The following HERC1 variants were observed in gnomAD, a reference collection of about 807,000 sequenced individuals.
HERC1 encodes the protein probable E3 ubiquitin-protein ligase HERC1.
HERC1 carries 160 observed loss-of-function variants against 554.3 expected under a neutral mutation model. That is an observed-to-expected ratio of 0.29 (90% CI 0.25 to 0.33). HERC1 has a LOEUF of 0.33. Among genes scored for constraint, HERC1 ranks in the 10% least tolerant of loss-of-function variants. The pLI, the probability that HERC1 is intolerant of heterozygous loss-of-function variation, is 1.00. For missense variants in HERC1, 4,919 were observed against 5,918.5 expected, an observed-to-expected ratio of 0.83 and a Z score of 5.54; for synonymous variants, 2,175 against 2,131.7, an observed-to-expected ratio of 1.02 and a Z score of -0.56.
intron 33 of HERC1, among the ~76,000 whole-genome samples, chr15:63,687,516 T>A (rs1456030479): frequency 1.3e-5 from 2 of 151,268 alleles, no homozygotes; most frequent in African/African-American, 2.4e-5. Context: ...CCAGCCTGGG[T>A]GACAGAGCGA....
chr15:63,806,668 G>A (rs187638439), intron 1 of HERC1, among the ~76,000 whole-genome samples: 28 of 152,256 alleles, frequency 1.8e-4, no homozygotes, highest in Admixed American at 4.6e-4. Context: ...ACAAGTCTAC[G>A]GAGAAATAAC....
At chr15:63,689,546 C>T (rs2153034572) in intron 33 of HERC1, 43 bp downstream of exon 33, 3 of 1,068,622 alleles carry the variant, frequency 2.8e-6, no homozygotes, top group South Asian at 1.5e-5. Context: ...ACAGAATATT[C>T]ACTTATGCTG....
At chr15:63,742,577 T>C (rs1446692838) in intron 12 of HERC1, among the ~76,000 whole-genome samples, 2 of 152,202 alleles carry the variant, frequency 1.3e-5, no homozygotes, top group African/African-American at 4.8e-5. Context: ...TCAGTCTTTC[T>C]CCATTGAATA....
intron 12 of HERC1, among the ~76,000 whole-genome samples, chr15:63,741,796 G>A (rs1193306560): frequency 6.6e-6 from 1 of 152,198 alleles, no homozygotes; most frequent in African/African-American, 2.4e-5. Flanking sequence ...AGCCACAGAT[G>A]TATGAGTTTA....
chr15:63,763,428 CAT>C (rs2075674154), intron 3 of HERC1, among the ~76,000 whole-genome samples: 2 of 152,034 alleles, frequency 1.3e-5, no homozygotes, highest in African/African-American at 4.8e-5. Context: ...GATAAAGAAA[CAT>C]AAGGAACTGC....
Position 63,612,305 on chromosome 15 carries a change from T to C in HERC1, c.14346A>G (p.Leu4782=). The C allele has an allele frequency of 1.9e-6, 3 of 1,613,726 alleles. No individual in the cohort carries two copies. The highest frequency in any genetic ancestry group is 2.5e-6 in the Non-Finnish European group (3 of 1,179,638). Residue 4782 remains leucine, a synonymous_variant, in exon 77 of 78, where the codon CTA becomes CTG. Coordinates refer to ENST00000443617, the MANE Select transcript of HERC1 (RefSeq NM_003922.4). The surrounding 1 kb of genome is among the most constrained non-coding windows in gnomAD (Gnocchi z 5.0). ...FMRFVSGRSR[L]PANTADISQR... ...GAGAAATGTCAGCAGTGTTGGCTGG[T>C]AGTCGAGATCTTCCTGACACAAACC...
chr15:63,657,661 C>A (rs1021400169), intron 48 of HERC1, among the ~76,000 whole-genome samples: 63 of 149,808 alleles, frequency 4.2e-4, no homozygotes, highest in African/African-American at 1.6e-3. Flanking sequence ...TCTTTTATGG[C>A]AGATTCCTTT....
intron 1 of HERC1, among the ~76,000 whole-genome samples, chr15:63,832,855 A>C (rs1203136727): frequency 6.6e-6 from 1 of 152,228 alleles, no homozygotes; most frequent in Non-Finnish European, 1.5e-5. Context: ...TAGGAAATAC[A>C]ATAAAATGTT....
chr15:63,760,229 A>T (rs2075563193), intron 3 of HERC1, among the ~76,000 whole-genome samples: 1 of 151,826 alleles, frequency 6.6e-6, no homozygotes, highest in Admixed American at 6.6e-5. Context: ...AACATTACAC[A>T]CAAAAAAAAA....
chr15:63,743,991 T>TA (rs2074933161), intron 12 of HERC1, among the ~76,000 whole-genome samples: 1 of 152,202 alleles, frequency 6.6e-6, no homozygotes, highest in Non-Finnish European at 1.5e-5. Context: ...GTATCTACGT[T>TA]GTGGTTCTTG....
In HERC1 at chr15:63,694,264, G is replaced by C. The variant is rs565030889; in HGVS notation, c.5480+48C>G. ...GGGAAAGGGGGAATTCTAAAATGGA[G>C]GAAGACCAGACTTCATACAGTTCTA... On this transcript the variant is annotated intron_variant, in intron 29 of 77. Coordinates refer to ENST00000443617, the MANE Select transcript of HERC1 (RefSeq NM_003922.4). The surrounding 1 kb of genome is among the most constrained non-coding windows in gnomAD (Gnocchi z 4.3). 3.2e-6 allele frequency: 5 copies of C among 1,576,480 alleles called. No individual in the cohort carries two copies. The South Asian group carries it at 5.8e-5, about 18-fold the overall frequency.
At chr15:63,736,826 C>T (rs189226698) in intron 12 of HERC1, among the ~76,000 whole-genome samples, 2 of 152,048 alleles carry the variant, frequency 1.3e-5, no homozygotes, top group East Asian at 3.9e-4. Context: ...AGGCTGGTCT[C>T]GAACTCCTGA....
In HERC1 at chr15:63,833,261, G is replaced by A. The variant is rs973238283; in HGVS notation, c.-27+566C>T. On this transcript the variant is annotated intron_variant, in intron 1 of 77. Coordinates refer to ENST00000443617, the MANE Select transcript of HERC1 (RefSeq NM_003922.4). Reference sequence around the variant, plus strand: ...TATTGGGGCGGGAGATTTGGAGAAAGGTTTAGCAGATGATGAGCTGCCCTC... The same window carrying A: ...TATTGGGGCGGGAGATTTGGAGAAAAGTTTAGCAGATGATGAGCTGCCCTC... Among the ~76,000 whole-genome samples, 13 of 152,346 alleles carry A rather than the reference G, an allele frequency of 8.5e-5. No individual in the cohort carries two copies. In the South Asian group the frequency reaches 2.3e-3, roughly 27 times the overall value.
intron 45 of HERC1, among the ~76,000 whole-genome samples, chr15:63,661,360 G>T (rs983532092): frequency 2.3e-4 from 35 of 152,150 alleles, no homozygotes; most frequent in African/African-American, 8.2e-4. Context: ...AGGATGTAAA[G>T]AGATAATATT....
chr15:63,759,678 TA>T (rs1315588731), intron 3 of HERC1, among the ~76,000 whole-genome samples: 2 of 152,226 alleles, frequency 1.3e-5, no homozygotes, highest in Admixed American at 6.5e-5. Flanking sequence ...CTCAATACAA[TA>T]AAGATATTAA....
At chr15:63,719,873 G>A (rs1010097065) in intron 19 of HERC1, among the ~76,000 whole-genome samples, 2 of 152,114 alleles carry the variant, frequency 1.3e-5, no homozygotes, top group East Asian at 1.9e-4. Context: ...GGAATCAGGA[G>A]TCTAGTTTTG....
chr15:63,635,460 C>T (rs1392373182), intron 65 of HERC1, among the ~76,000 whole-genome samples: 1 of 152,216 alleles, frequency 6.6e-6, no homozygotes. Flanking sequence ...ACTACTGCTA[C>T]TCTTCAGCTG....
intron 1 of HERC1, among the ~76,000 whole-genome samples, chr15:63,830,931 G>C (rs1278148729): frequency 1.3e-5 from 2 of 152,086 alleles, no homozygotes; most frequent in East Asian, 3.8e-4. Flanking sequence ...TTCACTTTTT[G>C]TAGTTAAAGA....
chr15:63,766,002 T>C (rs1596194461), intron 2 of HERC1, among the ~76,000 whole-genome samples: 1 of 152,120 alleles, frequency 6.6e-6, no homozygotes, highest in Admixed American at 6.6e-5. Flanking sequence ...TCCTTAACCT[T>C]GACAAAATAA....
Sources: allele counts gnomAD v4.1 joint callset (sites outside exome capture counted in the v4.1 genomes callset), GRCh38; gene constraint gnomAD v4.1.1; non-coding constraint Gnocchi (gnomAD v3.1); transcripts MANE v1.5; gene names NCBI Gene and HGNC (gene_info 2026-07-23, HGNC 2026-07-21).